Variants in TBC1D5 observed in about 807,000 individuals in gnomAD.
TBC1D5 encodes TBC1 domain family member 5.
In TBC1D5, 75 loss-of-function variants were observed where a neutral mutation model predicts 100.3. That is an observed-to-expected ratio of 0.75 (90% confidence interval 0.62 to 0.91). The LOEUF (loss-of-function observed/expected upper bound fraction) is 0.91, where lower values mean the gene tolerates loss of function less well. TBC1D5 is among the 40% of genes least tolerant of loss of function. TBC1D5 has a pLI of 0.00. For missense variants in TBC1D5, 910 were observed against 942.4 expected (o/e 0.97, Z 0.45); for synonymous variants, 323 against 325.6 (o/e 0.99, Z 0.09).
At chr3:17,330,265 A>G (rs1182047652) in intron 13 of TBC1D5, among the ~76,000 whole-genome samples, 1 of 152,182 alleles carries the variant, frequency 6.6e-6, no homozygotes, top group Admixed American at 6.5e-5. Flanking sequence ...GTTAACATCT[A>G]TGAGGCGAAA....
At chr3:17,360,194 T>C (rs1363771688) in intron 13 of TBC1D5, among the ~76,000 whole-genome samples, 1 of 152,040 alleles carries the variant, frequency 6.6e-6, no homozygotes, top group Non-Finnish European at 1.5e-5. Context: ...TAAATATATT[T>C]CTGGGAAAGT....
intron 14 of TBC1D5, among the ~76,000 whole-genome samples, chr3:17,296,541 T>C (rs1231790354): frequency 6.6e-6 from 1 of 152,158 alleles, no homozygotes; most frequent in African/African-American, 2.4e-5. Context: ...AGTGGGAGGC[T>C]GGGGTACAAA....
chr3:17,628,736 C>CT (rs1370652116), intron 1 of TBC1D5, among the ~76,000 whole-genome samples: 1 of 152,144 alleles, frequency 6.6e-6, no homozygotes, highest in African/African-American at 2.4e-5. Context: ...GTTAGGATAA[C>CT]TTATATGAAT....
exon 13 of TBC1D5, chr3:17,372,236 T>G: frequency 1.2e-6 from 2 of 1,608,222 alleles, no homozygotes; most frequent in Non-Finnish European, 1.7e-6. Context: ...GAGTCATCAG[T>G]GTTTCTTTCC....
At chr3:17,534,940 T>A (rs1053806746) in intron 2 of TBC1D5, among the ~76,000 whole-genome samples, 3 of 152,158 alleles carry the variant, frequency 2.0e-5, no homozygotes, top group African/African-American at 7.2e-5. Context: ...AGCTGAGTAA[T>A]CAAATGTGTT....
chr3:17,635,935 G>A (rs1013735600), intron 1 of TBC1D5, among the ~76,000 whole-genome samples: 1 of 152,196 alleles, frequency 6.6e-6, no homozygotes, highest in Non-Finnish European at 1.5e-5. Context: ...ACTCATGCCT[G>A]TAATCTCAGC....
At chr3:17,254,766 T>TTGGG (rs746122732) in intron 16 of TBC1D5, among the ~76,000 whole-genome samples, 1 of 73,172 alleles carries the variant, frequency 1.4e-5, no homozygotes, top group African/African-American at 5.6e-5. Flanking sequence ...GTGGCGGGGG[T>TTGGG]GGGGGGGGGG....
chr3:17,725,299 GATTT>G (rs1173938766), intron 1 of TBC1D5, among the ~76,000 whole-genome samples: 1 of 152,094 alleles, frequency 6.6e-6, no homozygotes, highest in African/African-American at 2.4e-5. Flanking sequence ...CAGCTTGAGG[GATTT>G]TTTTGGTACC....
At position 17,364,808 on chromosome 3, in the gene TBC1D5, T is replaced by A. The variant is rs370903975; in HGVS notation, c.995+7267A>T. Among the ~76,000 whole-genome samples, 41 of 152,322 alleles carry A rather than the reference T, an allele frequency of 2.7e-4. No individual in the cohort carries two copies. The East Asian group carries it at 4.8e-3, about 18-fold the overall frequency. The stretch of plus-strand genomic sequence containing the variant: ...TTGCTGCTTCTTATTATGAGTCTTA[T>A]TAATAGCCAGGAATTTTGCACTGAG... On this transcript the variant is annotated intron_variant, in intron 13 of 21. Transcript: ENST00000253692.
At chr3:17,160,871 T>G (rs2065960191) in exon 22 of TBC1D5, 2 of 1,448,420 alleles carry the variant, frequency 1.4e-6, no homozygotes, top group Non-Finnish European at 1.9e-6. Flanking sequence ...AAGCAGTGGT[T>G]TAAGAAGGTT....
intron 2 of TBC1D5, among the ~76,000 whole-genome samples, chr3:17,509,550 G>C (rs2095879043): frequency 6.6e-6 from 1 of 151,924 alleles, no homozygotes; most frequent in Non-Finnish European, 1.5e-5. Context: ...TATTGTATTT[G>C]CTTGGTAACT....
intron 18 of TBC1D5, among the ~76,000 whole-genome samples, chr3:17,205,485 A>G (rs1431920823): frequency 6.6e-6 from 1 of 152,208 alleles, no homozygotes; most frequent in Non-Finnish European, 1.5e-5. Context: ...CTACCAGTAA[A>G]ATATGACTGA....
intron 3 of TBC1D5, among the ~76,000 whole-genome samples, chr3:17,444,530 G>T (rs982784237): frequency 6.6e-6 from 1 of 151,948 alleles, no homozygotes; most frequent in Non-Finnish European, 1.5e-5. Flanking sequence ...TTATTTAAAA[G>T]ATTTAGCTGT....
intron 4 of TBC1D5, among the ~76,000 whole-genome samples, chr3:17,407,029 G>T (rs1476202851): frequency 1.3e-5 from 2 of 152,018 alleles, no homozygotes; most frequent in Non-Finnish European, 1.5e-5. Context: ...TACTGAAATT[G>T]CAACTTCTTT....
intron 1 of TBC1D5, among the ~76,000 whole-genome samples, chr3:17,663,887 T>C (rs1384363987): frequency 6.6e-6 from 1 of 152,184 alleles, no homozygotes; most frequent in African/African-American, 2.4e-5. Flanking sequence ...GGCTTATATT[T>C]TCTGCTCACA....
chr3:17,343,178 CGT>C (rs1559676394), intron 13 of TBC1D5, among the ~76,000 whole-genome samples: 5 of 150,898 alleles, frequency 3.3e-5, no homozygotes, highest in African/African-American at 1.2e-4. Context: ...TAGCATGAAG[CGT>C]TGTTGAATTT....
chr3:17,484,455 G>GGGGTGTGTGTGTGTGTGTGTGTGTGTGT (rs1309270588), intron 3 of TBC1D5, among the ~76,000 whole-genome samples: 1 of 111,526 alleles, frequency 9.0e-6, no homozygotes, highest in African/African-American at 4.0e-5. Flanking sequence ...GTAACACCAG[G>GGGGTGTGTGTGTGTGTGTGTGTGTGTGT]GTGTGTGTGT....
intron 1 of TBC1D5, among the ~76,000 whole-genome samples, chr3:17,699,625 C>T (rs373372118): frequency 7.0e-6 from 1 of 142,690 alleles, no homozygotes; most frequent in Non-Finnish European, 1.5e-5. Flanking sequence ...CAGATTTATT[C>T]TCAATTATAT....
intron 13 of TBC1D5, among the ~76,000 whole-genome samples, chr3:17,346,638 G>A (rs1256878204): frequency 6.6e-6 from 1 of 151,990 alleles, no homozygotes; most frequent in Non-Finnish European, 1.5e-5. Flanking sequence ...ATCATACATA[G>A]AAAGGTCCAG....
Sources: allele counts gnomAD v4.1 joint callset (sites outside exome capture counted in the v4.1 genomes callset), GRCh38; gene constraint gnomAD v4.1.1; transcripts MANE v1.5; gene names NCBI Gene and HGNC (gene_info 2026-07-23, HGNC 2026-07-21).